The following EBF2 variants were observed in gnomAD, a reference collection of about 807,000 sequenced individuals.
EBF2 encodes the protein transcription factor COE2.
EBF2 carries 21 observed loss-of-function variants against 72.8 expected under a neutral mutation model. The ratio of observed to expected loss-of-function variants is 0.29; its 90% CI spans 0.20 to 0.42. The LOEUF (loss-of-function observed/expected upper bound fraction) is 0.42, where lower values mean the gene tolerates loss of function less well. EBF2 is among the 10% of genes least tolerant of loss of function. EBF2 has a pLI of 1.00. For missense variants in EBF2, 637 were observed against 731.2 expected, an observed-to-expected ratio of 0.87 and a Z score of 1.49; for synonymous variants, 299 against 274.2, an observed-to-expected ratio of 1.09 and a Z score of -0.89.
chr8:26,017,601 C>A (rs578159269), intron 6 of EBF2, among the ~76,000 whole-genome samples: 1 of 151,982 alleles, frequency 6.6e-6, no homozygotes, highest in Admixed American at 6.6e-5. Flanking sequence ...TTTTATAGTC[C>A]GCTTGCTTTT....
intron 6 of EBF2, 49 bp downstream of exon 6, chr8:26,033,036 A>G: frequency 6.4e-7 from 1 of 1,552,842 alleles, no homozygotes; most frequent in South Asian, 1.1e-5. Flanking sequence ...GTTGAGGTTC[A>G]TGAAGAAAAG....
chr8:25,943,193 G>A (rs565917711), intron 6 of EBF2, among the ~76,000 whole-genome samples: 18 of 151,950 alleles, frequency 1.2e-4, no homozygotes, highest in South Asian at 6.3e-4. Flanking sequence ...AAGGCCAGGC[G>A]GGATGGCTCA....
intron 6 of EBF2, among the ~76,000 whole-genome samples, chr8:25,975,138 T>C (rs1044950317): frequency 6.6e-6 from 1 of 152,134 alleles, no homozygotes; most frequent in Non-Finnish European, 1.5e-5. Context: ...AAACTTCACA[T>C]CCTGGCCTCA....
chr8:25,926,325 A>G (rs1309635614), intron 6 of EBF2, among the ~76,000 whole-genome samples: 1 of 152,152 alleles, frequency 6.6e-6, no homozygotes, highest in African/African-American at 2.4e-5. Flanking sequence ...AAAAGAGAGT[A>G]TTTTGGAAAC....
intron 6 of EBF2, among the ~76,000 whole-genome samples, chr8:25,979,659 A>AT (rs947638523): frequency 2.2e-4 from 33 of 150,568 alleles, no homozygotes; most frequent in Non-Finnish European, 3.4e-4. Flanking sequence ...TCTCTGTACA[A>AT]TTTTTTTTTT....
At chr8:25,855,185 G>GGATT (rs1343053260) in intron 14 of EBF2, among the ~76,000 whole-genome samples, 1 of 152,154 alleles carries the variant, frequency 6.6e-6, no homozygotes, top group African/African-American at 2.4e-5. Context: ...CTTTGTAGGA[G>GGATT]GATTGATTGG....
intron 14 of EBF2, among the ~76,000 whole-genome samples, chr8:25,852,602 T>TTAGATCAAAAATGGTTCCCTTGCAG (rs1313326672): frequency 2.6e-5 from 4 of 152,156 alleles, no homozygotes; most frequent in Non-Finnish European, 4.4e-5. Context: ...GCAGGGCCCA[T>TTAGATCAAAAATGGTTCCCTTGCAG]TAGATCAAAA....
chr8:25,943,568 C>T (rs947792307), intron 6 of EBF2, among the ~76,000 whole-genome samples: 6 of 151,968 alleles, frequency 3.9e-5, no homozygotes, highest in African/African-American at 1.5e-4. Flanking sequence ...ACTCCTAGTT[C>T]TATGTCCTTT....
At chr8:25,877,426 C>G (rs10503777) in intron 10 of EBF2, among the ~76,000 whole-genome samples, 17,015 of 152,244 alleles carry the variant, frequency 0.11, 1,052 homozygotes, top group Middle Eastern at 0.18. Context: ...GTGGCTCTCT[C>G]AATTGCGCAG....
At chr8:25,880,001 T>G (rs1802581755) in intron 10 of EBF2, among the ~76,000 whole-genome samples, 1 of 152,228 alleles carries the variant, frequency 6.6e-6, no homozygotes, top group Non-Finnish European at 1.5e-5. Flanking sequence ...CTTCCTGAAT[T>G]TAACTCTTGA....
chr8:25,941,385 T>C (rs150072914), intron 6 of EBF2, among the ~76,000 whole-genome samples: 209 of 152,198 alleles, frequency 1.4e-3, no homozygotes, highest in Non-Finnish European at 2.5e-3. Context: ...TTTGTATTTT[T>C]AGTAGAGACA....
chr8:25,974,021 C>T (rs1184985576), intron 6 of EBF2, among the ~76,000 whole-genome samples: 4 of 152,196 alleles, frequency 2.6e-5, no homozygotes, highest in Admixed American at 6.5e-5. Flanking sequence ...GCTTTCTGCT[C>T]ATTTCCAGAA....
chr8:25,985,970 C>A (rs1379322009), intron 6 of EBF2, among the ~76,000 whole-genome samples: 1 of 109,160 alleles, frequency 9.2e-6, no homozygotes. Context: ...CCACTGCACA[C>A]CAGCCCGGGT....
intron 6 of EBF2, among the ~76,000 whole-genome samples, chr8:25,967,123 C>T (rs1278390253): frequency 6.6e-6 from 1 of 152,162 alleles, no homozygotes; most frequent in Non-Finnish European, 1.5e-5. Flanking sequence ...AATCAAAACT[C>T]CAACTAATGG....
At position 25,850,642 on chromosome 8, in the gene EBF2, C is replaced by T. The variant is rs957613829; in HGVS notation, c.1648G>A (p.Gly550Ser). ...SAFAPVIRPQGSPSPACSSGN... is the reference protein window; with the variant it reads ...SAFAPVIRPQSSPSPACSSGN... Reference sequence around the variant, plus strand: ...CTGGAGCAGGCAGGTGAAGGGGAGCCTTGGGGCCTGATGACAGGGGCAAAG... The same window carrying T: ...CTGGAGCAGGCAGGTGAAGGGGAGCTTTGGGGCCTGATGACAGGGGCAAAG... The change falls in exon 15 of 16, where the codon GGC becomes AGC. Residue 550 changes from glycine (G) to serine (S), a missense_variant. By Grantham distance (56) the Gly-to-Ser change is moderately conservative. This residue lies in a region of EBF2 where 259 missense variants were observed against 268.1 expected (regional missense o/e 0.97). Transcript: ENST00000520164. 1 of 1,567,774 alleles carries T rather than the reference C, an allele frequency of 6.4e-7. No homozygotes were observed. Among genetic ancestry groups the T allele is most frequent in the African/African-American group, 1.4e-5 (1 of 70,792 alleles).
intron 5 of EBF2, among the ~76,000 whole-genome samples, chr8:26,039,822 G>A (rs1010848882): frequency 3.3e-5 from 5 of 152,222 alleles, no homozygotes; most frequent in Admixed American, 2.0e-4. Context: ...GTGGAATCCC[G>A]AGTCGTTCTG....
chr8:26,020,570 G>A (rs1805188951), intron 6 of EBF2, among the ~76,000 whole-genome samples: 2 of 152,186 alleles, frequency 1.3e-5, no homozygotes, highest in South Asian at 4.1e-4. Flanking sequence ...GCAGGGCAAT[G>A]GATAGAAAGC....
chr8:25,908,824 G>C (rs1803081906), intron 6 of EBF2, among the ~76,000 whole-genome samples: 2 of 152,106 alleles, frequency 1.3e-5, no homozygotes, highest in South Asian at 4.1e-4. Context: ...CTGGCCCCCG[G>C]AGTTTGTAGA....
chr8:26,008,176 C>T (rs1804913449), intron 6 of EBF2, among the ~76,000 whole-genome samples: 1 of 151,988 alleles, frequency 6.6e-6, no homozygotes, highest in South Asian at 2.1e-4. Context: ...GTTTCCCAAG[C>T]AGTATTTACA....
Sources: allele counts gnomAD v4.1 joint callset (sites outside exome capture counted in the v4.1 genomes callset), GRCh38; gene constraint gnomAD v4.1.1; regional missense constraint gnomAD v4.1.1; transcripts MANE v1.5; gene names NCBI Gene and HGNC (gene_info 2026-07-23, HGNC 2026-07-21).